The following CEP295 variants were observed in gnomAD, a reference collection of about 807,000 sequenced individuals.
CEP295 encodes centrosomal protein of 295 kDa.
CEP295 carries 190 observed loss-of-function variants against 291.6 expected under a neutral mutation model. The ratio of observed to expected loss-of-function variants is 0.65; its 90% CI spans 0.58 to 0.73. The LOEUF is 0.73. Ranked by LOEUF, CEP295 falls within the 30% of genes least tolerant of loss-of-function variation. The pLI, the probability that CEP295 is intolerant of heterozygous loss-of-function variation, is 0.00. For missense variants in CEP295, 2,863 were observed against 2,949.4 expected (o/e 0.97, Z 0.68); for synonymous variants, 993 against 1,038.8 (o/e 0.96, Z 0.85).
intron 6 of CEP295, 33 bp from the exon 7 acceptor site, chr11:93,679,379 A>T: frequency 6.5e-7 from 1 of 1,529,186 alleles, no homozygotes; most frequent in Non-Finnish European, 8.8e-7. Flanking sequence ...CACACTTTAA[A>T]AATTTTGCCT....
At chr11:93,696,076 A>G (rs1016751622) in intron 13 of CEP295, among the ~76,000 whole-genome samples, 5 of 152,188 alleles carry the variant, frequency 3.3e-5, no homozygotes, top group African/African-American at 7.2e-5. Flanking sequence ...TACGGCTTTC[A>G]TCTTTCAGTT....
Position 93,685,700 on chromosome 11 carries a change from CTTTGTTTG to C in CEP295, c.1114+1592_1114+1599del, listed in dbSNP as rs55948111. On this transcript the variant is annotated intron_variant, in intron 9 of 29. Transcript: ENST00000325212. ...TCTTTTCATGCCAGGTCAGCTGTGT[CTTTGTTTG>C]TTTGTTTGTTTGTTTGTTTTGAGAT... Among the ~76,000 whole-genome samples the C allele has an allele frequency of 3.3e-5, 5 of 150,692 alleles. No homozygotes were observed. In the East Asian group the frequency reaches 6.0e-4, roughly 18 times the overall value.
At position 93,683,732 on chromosome 11, in the gene CEP295, T is replaced by C; in HGVS notation, c.939T>C (p.Asn313=). ...ELEFAFEDMY[N]ADRKVKGNLI... ...AATTTGCCTTTGAAGATATGTACAA[T>C]GCAGACAGGAGTAAGATATTTTCAG... Residue 313 remains asparagine (N), a synonymous_variant, in exon 8 of 30, where the codon AAT becomes AAC. Coordinates refer to ENST00000325212, the MANE Select transcript of CEP295 (RefSeq NM_033395.2). 1 of 1,537,360 alleles carries C rather than the reference T, an allele frequency of 6.5e-7. No individual in the cohort carries two copies. The highest frequency in any genetic ancestry group is 8.7e-7 in the Non-Finnish European group (1 of 1,143,718).
intron 3 of CEP295, 93 bp from the exon 4 acceptor site, chr11:93,668,715 A>G: frequency 2.1e-6 from 2 of 935,560 alleles, no homozygotes; most frequent in East Asian, 2.7e-5. Context: ...TAGAAAGAAG[A>G]TGACAAAATT....
At chr11:93,672,567 A>C (rs4753095) in intron 5 of CEP295, among the ~76,000 whole-genome samples, 139,770 of 152,094 alleles carry the variant, frequency 0.92, 65,035 homozygotes, top group East Asian at 0.99. Flanking sequence ...TGACTACAAG[A>C]ATGTGCCACA....
chr11:93,687,340 T>C (rs184904690), intron 9 of CEP295, among the ~76,000 whole-genome samples: 2 of 152,362 alleles, frequency 1.3e-5, no homozygotes, highest in East Asian at 3.9e-4. Context: ...TCATTTATCA[T>C]TTAGCAAGCA....
At chr11:93,714,274 C>T (rs776502649) in intron 18 of CEP295, among the ~76,000 whole-genome samples, 24 of 152,030 alleles carry the variant, frequency 1.6e-4, no homozygotes, top group East Asian at 5.8e-4. Flanking sequence ...TTTTTTGAGA[C>T]GGAGTCTTGT....
chr11:93,719,623 G>C (rs1350885331), intron 18 of CEP295: 1 of 151,856 alleles, frequency 6.6e-6, no homozygotes, highest in Non-Finnish European at 1.5e-5. Flanking sequence ...AATGTAATGA[G>C]TTATCTCAAT....
intron 24 of CEP295, 29 bp from the exon 25 acceptor site, chr11:93,728,652 A>C: frequency 6.6e-7 from 1 of 1,505,938 alleles, no homozygotes; most frequent in Non-Finnish European, 8.8e-7. Context: ...CTATTTTGAC[A>C]TGGTTTTCCT....
chr11:93,672,665 T>A (rs1282664020), intron 5 of CEP295, among the ~76,000 whole-genome samples: 1 of 152,178 alleles, frequency 6.6e-6, no homozygotes, highest in African/African-American at 2.4e-5. Flanking sequence ...GTCCTGTACT[T>A]GGGTAGATAA....
chr11:93,692,531 C>T (rs1360090273), intron 12 of CEP295, among the ~76,000 whole-genome samples: 3 of 152,236 alleles, frequency 2.0e-5, no homozygotes, highest in Admixed American at 1.3e-4. Context: ...ACACGATCAT[C>T]GCTCACTGCA....
chr11:93,695,678 G>T, intron 13 of CEP295, 44 bp downstream of exon 13: 1 of 1,469,218 alleles, frequency 6.8e-7, no homozygotes, highest in Non-Finnish European at 8.9e-7. Flanking sequence ...CATTTGGTAA[G>T]GGGGGCAAGA....
At chr11:93,719,399 C>G (rs984333243) in intron 18 of CEP295, among the ~76,000 whole-genome samples, 2 of 151,996 alleles carry the variant, frequency 1.3e-5, no homozygotes, top group African/African-American at 4.8e-5. Context: ...TCCGAGGTAG[C>G]TAGGACTACA....
chr11:93,725,531 C>A, intron 22 of CEP295, 120 bp from the exon 23 acceptor site: 1 of 804,888 alleles, frequency 1.2e-6, no homozygotes, highest in Non-Finnish European at 1.9e-6. Context: ...AAAAGCAAAT[C>A]ATTGCTGTCA....
chr11:93,692,041 ATTTTAT>A lies in CEP295; in HGVS notation c.1533+17_1533+22del. On this transcript the variant is annotated intron_variant, in intron 12 of 29. Transcript: ENST00000325212. ...GCAAGGCAGAAACAGGTAATTTGAA[ATTTTAT>A]TTTTAAAGGTTTATTTTTCCCCTAG... The A allele has an allele frequency of 7.2e-7, 1 of 1,387,738 alleles. No homozygotes were observed. Among genetic ancestry groups the A allele is most frequent in the Non-Finnish European group, 9.9e-7 (1 of 1,008,194 alleles). 86.0% of individuals were successfully genotyped at this position (1,387,738 alleles called of 1,614,324 possible). A position where few individuals can be genotyped will look rare whatever the true frequency, so the allele number is the denominator to read the frequency against.
chr11:93,684,140 T>C lies in CEP295; in HGVS notation c.1114+12T>C. 1 of 1,548,422 alleles carries C rather than the reference T, an allele frequency of 6.5e-7. No homozygotes were observed. The highest frequency in any genetic ancestry group is 8.7e-7 in the Non-Finnish European group (1 of 1,145,618). ...TAGTGAAACAGATGGTAAAAACCCT[T>C]CTGAGCTAAATATTACAGTATTTCA... On this transcript the variant is annotated intron_variant, in intron 9 of 29. Transcript: ENST00000325212.
Position 93,683,564 on chromosome 11 carries a change from G to A in CEP295, c.771G>A (p.Gln257=), listed in dbSNP as rs1327682892. Residue 257 remains glutamine, a synonymous_variant, in exon 8 of 30, where the codon CAG becomes CAA. Coordinates refer to ENST00000325212, the MANE Select transcript of CEP295 (RefSeq NM_033395.2). ...AMKKIHLAQN[Q]EKLMKELKQL... ...AATTCTCTTTATTCTTGAAGAATCA[G>A]GAGAAACTAATGAAAGAACTCAAAC... 2 of 1,504,402 alleles carry A rather than the reference G, an allele frequency of 1.3e-6. No individual in the cohort carries two copies. Among genetic ancestry groups the A allele is most frequent in the South Asian group, 1.3e-5 (1 of 75,698 alleles). 93.2% of individuals were successfully genotyped at this position (1,504,402 alleles called of 1,614,324 possible).
chr11:93,726,320 G>A (rs1954132819), intron 23 of CEP295, among the ~76,000 whole-genome samples: 1 of 152,160 alleles, frequency 6.6e-6, no homozygotes, highest in African/African-American at 2.4e-5. Context: ...TTTTAGTATA[G>A]ACAGGGTTTC....
In CEP295 at chr11:93,729,867, C is replaced by G; in HGVS notation, c.7568-3C>G. ...CAACTTGATTTCACTTTTCTTTCCT[C>G]AGGTTCATCTGTGAGTCGTCTAAAG... On this transcript the variant is annotated splice_polypyrimidine_tract_variant and splice_region_variant and intron_variant, in intron 27 of 29. Coordinates refer to ENST00000325212, the MANE Select transcript of CEP295 (RefSeq NM_033395.2). 4.5e-6 allele frequency: 7 copies of G among 1,541,448 alleles called. No individual in the cohort carries two copies. Among genetic ancestry groups the G allele is most frequent in the Non-Finnish European group, 6.1e-6 (7 of 1,144,242 alleles).
Sources: gnomAD v4.1 joint callset for allele counts (sites outside exome capture counted in the v4.1 genomes callset) on GRCh38, gnomAD v4.1.1 for gene constraint, MANE v1.5 for transcripts, NCBI Gene and HGNC (gene_info 2026-07-23, HGNC 2026-07-21) for gene names.